Variants in PTPN4 observed in about 807,000 individuals in gnomAD.
PTPN4 encodes tyrosine-protein phosphatase non-receptor type 4.
A neutral mutation model predicts 135.5 loss-of-function variants in PTPN4; 49 were observed. The observed-to-expected ratio is 0.36, with a 90% CI of 0.29 to 0.46. The LOEUF is 0.46. Ranked by LOEUF, PTPN4 falls within the 20% of genes least tolerant of loss-of-function variation. The pLI is 1.00. For missense variants in PTPN4, 860 were observed against 1,101.0 expected (o/e 0.78, Z 3.10); for synonymous variants, 333 against 369.9 (o/e 0.90, Z 1.14).
At chr2:119,766,434 A>G (rs1322791752) in intron 1 of PTPN4, among the ~76,000 whole-genome samples, 1 of 128,460 alleles carries the variant, frequency 7.8e-6, no homozygotes, top group Non-Finnish European at 1.6e-5. Flanking sequence ...TCACTGGTGT[A>G]TGCGCATGTG....
intron 18 of PTPN4, among the ~76,000 whole-genome samples, chr2:119,948,004 T>G (rs1486155871): frequency 6.6e-6 from 1 of 152,060 alleles, no homozygotes; most frequent in Non-Finnish European, 1.5e-5. Flanking sequence ...TATTTCCTTA[T>G]TTGAAAAAAG....
intron 9 of PTPN4, among the ~76,000 whole-genome samples, chr2:119,893,513 G>C (rs1210109898): frequency 6.6e-6 from 1 of 152,192 alleles, no homozygotes; most frequent in Non-Finnish European, 1.5e-5. Flanking sequence ...GTCTGGACTA[G>C]AAATAATACA....
chr2:119,931,756 A>G (rs1678910445), intron 13 of PTPN4, among the ~76,000 whole-genome samples: 2 of 151,820 alleles, frequency 1.3e-5, no homozygotes, highest in South Asian at 4.1e-4. Context: ...TTTTTTTAAA[A>G]CATCACTTAG....
At chr2:119,968,237 G>T (rs1679473611) in intron 26 of PTPN4, among the ~76,000 whole-genome samples, 1 of 152,104 alleles carries the variant, frequency 6.6e-6, no homozygotes, top group Non-Finnish European at 1.5e-5. Flanking sequence ...GAGTTTAGAA[G>T]TTGCAACAGT....
intron 15 of PTPN4, among the ~76,000 whole-genome samples, chr2:119,941,396 CT>C (rs1243457791): frequency 6.8e-6 from 1 of 146,444 alleles, no homozygotes; most frequent in African/African-American, 2.5e-5. Context: ...TCCTTGATTA[CT>C]TTTATAGACT....
chr2:119,807,293 G>A (rs185555821), intron 1 of PTPN4, among the ~76,000 whole-genome samples: 12 of 152,188 alleles, frequency 7.9e-5, no homozygotes, highest in Non-Finnish European at 1.6e-4. Flanking sequence ...CCAGAAGCTG[G>A]TTTTTTGAAA....
intron 1 of PTPN4, among the ~76,000 whole-genome samples, chr2:119,796,034 G>A (rs1003892886): frequency 6.6e-6 from 1 of 152,202 alleles, no homozygotes; most frequent in African/African-American, 2.4e-5. Flanking sequence ...GAGATGCAGT[G>A]GGGAGCATGA....
At chr2:119,761,246 C>T (rs1427927005) in intron 1 of PTPN4, among the ~76,000 whole-genome samples, 1 of 152,064 alleles carries the variant, frequency 6.6e-6, no homozygotes, top group Non-Finnish European at 1.5e-5. Flanking sequence ...CCAATGTGTC[C>T]GACTTGCAAA....
intron 1 of PTPN4, among the ~76,000 whole-genome samples, chr2:119,801,410 A>G (rs1001391563): frequency 3.3e-5 from 5 of 152,150 alleles, no homozygotes; most frequent in African/African-American, 1.2e-4. Flanking sequence ...TTTAGAATAA[A>G]ATTATCTAAA....
intron 1 of PTPN4, among the ~76,000 whole-genome samples, chr2:119,784,696 ATTTTTT>A (rs58879330): frequency 1.3e-4 from 14 of 110,146 alleles, no homozygotes; most frequent in South Asian, 3.1e-4. Context: ...TGCCCAGCTA[ATTTTTT>A]TTTTTTTTTT....
At chr2:119,785,088 C>T (rs984269731) in intron 1 of PTPN4, among the ~76,000 whole-genome samples, 5 of 152,182 alleles carry the variant, frequency 3.3e-5, no homozygotes, top group Admixed American at 6.5e-5. Flanking sequence ...CTGTGCAATC[C>T]GTGATGTCTA....
intron 2 of PTPN4, among the ~76,000 whole-genome samples, chr2:119,850,331 A>G (rs1012028596): frequency 6.6e-6 from 1 of 152,144 alleles, no homozygotes; most frequent in East Asian, 1.9e-4. Flanking sequence ...CCTACATGGA[A>G]TTTCTGCCCT....
rs150112595 is a variant in PTPN4 at position 119,779,645 on chromosome 2, C to T, written c.-18+19261C>T. ...AAAAAAAAAAAAAAAGATCAGCTAT[C>T]GAGGATACTTTTTCGGTGGGTAATT... is the stretch of plus-strand genomic sequence containing the variant. On this transcript the variant is annotated intron_variant, in intron 1 of 26. Transcript: ENST00000263708. Among the ~76,000 whole-genome samples, 7 of 151,374 alleles carry T rather than the reference C, an allele frequency of 4.6e-5. No individual in the cohort carries two copies. The East Asian group carries it at 9.7e-4, about 21-fold the overall frequency.
At chr2:119,761,315 G>A (rs1484487343) in intron 1 of PTPN4, among the ~76,000 whole-genome samples, 1 of 151,966 alleles carries the variant, frequency 6.6e-6, no homozygotes, top group Non-Finnish European at 1.5e-5. Flanking sequence ...TTTAAATCTT[G>A]GTTTTCTGAA....
At chr2:119,956,696 T>C (rs1161871254) in intron 20 of PTPN4, 148 bp from the exon 21 acceptor site, 18 of 1,300,768 alleles carry the variant, frequency 1.4e-5, no homozygotes. Flanking sequence ...GGTTCAGTAC[T>C]CTACTAGACT....
intron 12 of PTPN4, among the ~76,000 whole-genome samples, chr2:119,926,113 C>T (rs774772013): frequency 6.6e-6 from 1 of 152,148 alleles, no homozygotes; most frequent in Admixed American, 6.6e-5. Flanking sequence ...TATATGGTTA[C>T]ATTTGATATA....
At chr2:119,951,850 T>C in intron 18 of PTPN4, 123 bp from the exon 19 acceptor site, 1 of 739,670 alleles carries the variant, frequency 1.4e-6, no homozygotes, top group Non-Finnish European at 2.0e-6. Context: ...AGATAATAAA[T>C]GAAAGATGCT....
chr2:119,820,052 A>G (rs1009714612), intron 2 of PTPN4, among the ~76,000 whole-genome samples: 1 of 152,094 alleles, frequency 6.6e-6, no homozygotes, highest in Non-Finnish European at 1.5e-5. Flanking sequence ...TTAGAGACGA[A>G]GTCTCACTAT....
At chr2:119,761,020 C>G (rs536389313) in intron 1 of PTPN4, among the ~76,000 whole-genome samples, 4 of 152,100 alleles carry the variant, frequency 2.6e-5, no homozygotes, top group Non-Finnish European at 5.9e-5. Context: ...TCTGGGCTTG[C>G]ATCATGTAGT....
Sources: allele counts gnomAD v4.1 joint callset (sites outside exome capture counted in the v4.1 genomes callset), GRCh38; gene constraint gnomAD v4.1.1; transcripts MANE v1.5; gene names NCBI Gene and HGNC (gene_info 2026-07-23, HGNC 2026-07-21).